The following COL4A5 variants were observed in gnomAD, a reference collection of about 807,000 sequenced individuals.
COL4A5 encodes collagen alpha-5(IV) chain.
Under a neutral mutation model 130.2 loss-of-function variants are expected in COL4A5, and 26 were observed. That is an observed-to-expected ratio of 0.20 (90% CI 0.15 to 0.28). The LOEUF is 0.28. Among genes scored for constraint, COL4A5 ranks in the 10% least tolerant of loss-of-function variants. The pLI, the probability that COL4A5 is intolerant of heterozygous loss-of-function variation, is 1.00. For synonymous variants in COL4A5, 496 were observed against 439.6 expected, an observed-to-expected ratio of 1.13 and a Z score of -1.60; for missense variants, 1,131 against 1,344.3, an observed-to-expected ratio of 0.84 and a Z score of 2.48.
At chrX:108,548,689 C>A (rs906666279) in intron 2 of COL4A5, among the ~76,000 whole-genome samples, 1 of 110,728 alleles carries the variant, frequency 9.0e-6, no homozygotes. Context: ...CATAATGAAA[C>A]TACTGAAAAA....
chrX:108,532,657 A>G (rs1280517139), intron 1 of COL4A5, among the ~76,000 whole-genome samples: 1 of 111,238 alleles, frequency 9.0e-6, no homozygotes, highest in Non-Finnish European at 1.9e-5. Flanking sequence ...TTACCGATAT[A>G]TCTATCTAGA....
chrX:108,602,839 G>A (rs2066658016), intron 27 of COL4A5, 125 bp from the exon 28 acceptor site: 1 of 521,090 alleles, frequency 1.9e-6, no homozygotes, highest in Non-Finnish European at 3.4e-6. Context: ...GTAGTAGAAT[G>A]TCATTGTGCT....
chrX:108,600,728 T>A (rs2066613434), intron 25 of COL4A5, among the ~76,000 whole-genome samples: 1 of 110,430 alleles, frequency 9.1e-6, no homozygotes, highest in Non-Finnish European at 1.9e-5. Context: ...CTTACATGAT[T>A]ATGGAGGCTG....
chrX:108,693,007 A>T (rs2068661850), intron 50 of COL4A5, 82 bp downstream of exon 50: 1 of 1,033,725 alleles, frequency 9.7e-7, no homozygotes, highest in African/African-American at 1.9e-5. Flanking sequence ...TAACAATCTG[A>T]TGATATTCCT....
intron 2 of COL4A5, among the ~76,000 whole-genome samples, chrX:108,556,835 A>G (rs182210755): frequency 9.0e-6 from 1 of 111,000 alleles, no homozygotes; most frequent in East Asian, 2.9e-4. Context: ...TGTGGTATTG[A>G]TCTTTGAATT....
intron 34 of COL4A5, among the ~76,000 whole-genome samples, chrX:108,625,028 C>T (rs1433134308): frequency 2.7e-5 from 3 of 111,623 alleles, no homozygotes; most frequent in Non-Finnish European, 3.8e-5. Context: ...CTTCCTATCT[C>T]TCCCTCACAT....
chrX:108,469,168 TC>T (rs1452089798), intron 1 of COL4A5, among the ~76,000 whole-genome samples: 3 of 83,278 alleles, frequency 3.6e-5, no homozygotes, highest in Admixed American at 1.3e-4. Flanking sequence ...TCTCTCTCTC[TC>T]TTTTTTTTTT....
chrX:108,447,266 C>CT (rs1174089846), intron 1 of COL4A5, among the ~76,000 whole-genome samples: 5 of 111,358 alleles, frequency 4.5e-5, no homozygotes, highest in Non-Finnish European at 9.4e-5. Context: ...AATTCTTAAT[C>CT]TTTTTTTTCC....
intron 36 of COL4A5, among the ~76,000 whole-genome samples, chrX:108,637,712 A>G (rs2067383206): frequency 8.9e-6 from 1 of 111,863 alleles, no homozygotes; most frequent in Non-Finnish European, 1.9e-5. Flanking sequence ...TCCTAGAAAG[A>G]CACAATCTAC....
At chrX:108,555,872 T>G (rs936970709) in intron 2 of COL4A5, among the ~76,000 whole-genome samples, 3 of 112,029 alleles carry the variant, frequency 2.7e-5, no homozygotes, top group African/African-American at 6.5e-5. Context: ...TAATTTCCCC[T>G]AGCCCTAAAT....
In COL4A5 at chrX:108,543,540, A is replaced by G. The variant is rs758776563; in HGVS notation, c.141+3735A>G. ...GTAGTATAGTTTGAAGTCAGGTAGT[A>G]TGATGCCTCCAGCTTTGTTCTTTTG... On this transcript the variant is annotated intron_variant, in intron 2 of 52. Transcript: ENST00000328300. Among the ~76,000 whole-genome samples, 19 of 111,105 alleles carry G rather than the reference A, an allele frequency of 1.7e-4. No homozygotes were observed. In the East Asian group the frequency reaches 4.3e-3, roughly 25 times the overall value.
intron 18 of COL4A5, among the ~76,000 whole-genome samples, chrX:108,585,349 A>G (rs1273904021): frequency 8.9e-6 from 1 of 112,167 alleles, no homozygotes; most frequent in Non-Finnish European, 1.9e-5. Context: ...TCTAATGAGG[A>G]TATACTTAAA....
At chrX:108,469,493 TG>T (rs1341521722) in intron 1 of COL4A5, among the ~76,000 whole-genome samples, 1 of 110,510 alleles carries the variant, frequency 9.0e-6, no homozygotes, top group Non-Finnish European at 1.9e-5. Flanking sequence ...TTAGTAGTAA[TG>T]TCTTCATTTT....
At position 108,598,785 on chromosome X, in the gene COL4A5, T is replaced by A. The variant is rs188273129; in HGVS notation, c.1863T>A (p.Gly621=). ...TCCCAGGGAATATAGGGCCTATGGG[T>A]CCCCCTGGTTTCGGCCCTCCAGGCC... The part of the protein sequence containing the change: ...PGLPGNIGPM[G]PPGFGPPGPV... Residue 621 remains glycine (G), a synonymous_variant, in exon 25 of 53, where the codon GGT becomes GGA. Transcript: ENST00000328300. The A allele has an allele frequency of 8.3e-7, 1 of 1,208,527 alleles. No homozygotes were observed. The highest frequency in any genetic ancestry group is 1.1e-6 in the Non-Finnish European group (1 of 893,884).
At chrX:108,469,880 G>A (rs1469706475) in intron 1 of COL4A5, among the ~76,000 whole-genome samples, 1 of 111,434 alleles carries the variant, frequency 9.0e-6, no homozygotes, top group Admixed American at 9.6e-5. Context: ...GTGAGAACAC[G>A]TGGTATCCGG....
intron 1 of COL4A5, among the ~76,000 whole-genome samples, chrX:108,451,317 G>A (rs2064509653): frequency 1.8e-5 from 2 of 110,587 alleles, no homozygotes; most frequent in South Asian, 7.8e-4. Flanking sequence ...GTGTGCATGT[G>A]TCTTTATAGC....
intron 46 of COL4A5, among the ~76,000 whole-genome samples, chrX:108,681,311 T>C (rs1331346195): frequency 9.0e-6 from 1 of 110,544 alleles, no homozygotes; most frequent in Non-Finnish European, 1.9e-5. Flanking sequence ...CCTAAGAGGC[T>C]TATAGAGGTT....
chrX:108,444,859 G>T (rs1182010424), intron 1 of COL4A5, among the ~76,000 whole-genome samples: 1 of 111,586 alleles, frequency 9.0e-6, no homozygotes, highest in Non-Finnish European at 1.9e-5. Flanking sequence ...CTCTTCACAC[G>T]TTTTGTGGAC....
chrX:108,686,025 C>T lies in COL4A5; in HGVS notation c.4217-6C>T, dbSNP rs764326196. Reference sequence around the variant, plus strand: ...CATATTTGAATGCCTCATTCTTTTCCTGTAGGTCCAACTGGCCCTCCAGGA... The same window carrying T: ...CATATTTGAATGCCTCATTCTTTTCTTGTAGGTCCAACTGGCCCTCCAGGA... On this transcript the variant is annotated splice_region_variant and splice_polypyrimidine_tract_variant and intron_variant, in intron 47 of 52. Transcript: ENST00000328300. 17 of 1,201,501 alleles carry T rather than the reference C, an allele frequency of 1.4e-5. No individual in the cohort carries two copies. The Admixed American group carries it at 3.7e-4, about 26-fold the overall frequency.
Sources: allele counts gnomAD v4.1 joint callset (sites outside exome capture counted in the v4.1 genomes callset), GRCh38; gene constraint gnomAD v4.1.1; transcripts MANE v1.5; gene names NCBI Gene and HGNC (gene_info 2026-07-23, HGNC 2026-07-21).